Variants in SNRPB2 observed in about 807,000 individuals in gnomAD.
The protein encoded by SNRPB2 is small nuclear ribonucleoprotein polypeptide B2, also known as U2 small nuclear ribonucleoprotein B''.
SNRPB2 carries 16 observed loss-of-function variants against 26.3 expected under a neutral mutation model. That is an observed-to-expected ratio of 0.61 (90% CI 0.41 to 0.92). The LOEUF is 0.92. SNRPB2 is among the 40% of genes least tolerant of loss of function. The probability of loss-of-function intolerance (pLI) is 0.00; values close to 1 mark genes in which losing one functional copy is unlikely to be tolerated. For missense variants in SNRPB2, 179 were observed against 268.1 expected (o/e 0.67, Z 2.32); for synonymous variants, 75 against 89.0 (o/e 0.84, Z 0.88).
rs964759814 is a variant in SNRPB2, at chr20:16,742,347, G to A, written c.*1342G>A. The A allele has an allele frequency of 2.0e-5, 3 of 152,066 alleles. No individual in the cohort carries two copies. The highest frequency in any genetic ancestry group is 7.2e-5 in the African/African-American group (3 of 41,382). The allele number at this position is 152,066 out of a possible 1,614,324, so 9.4% of individuals were successfully genotyped here. On this transcript the variant is annotated 3_prime_UTR_variant, in exon 7 of 7. Transcript: ENST00000246071. ...AAAATAATTCACAGACTGATCCCAT[G>A]CCCAGTCCTGGCCATGCTTTGAGTG... is the stretch of plus-strand genomic sequence containing the variant.
rs1425039255 is a variant in SNRPB2, at chr20:16,741,244, A to G, written c.*239A>G. 5.8e-6 allele frequency: 2 copies of G among 346,922 alleles called. No individual in the cohort carries two copies. The highest frequency in any genetic ancestry group is 1.0e-5 in the Non-Finnish European group (2 of 191,358). The allele number at this position is 346,922 out of a possible 1,614,324, so 21.5% of individuals were successfully genotyped here. ...TATATAATGCTTTCTTGATTGACCC[A>G]TCTCCCTATCATCAAATGACTTCTA... On this transcript the variant is annotated 3_prime_UTR_variant, in exon 7 of 7. Transcript: ENST00000246071.
At chr20:16,734,987 A>C (rs944710851) in intron 3 of SNRPB2, among the ~76,000 whole-genome samples, 1 of 152,182 alleles carries the variant, frequency 6.6e-6, no homozygotes, top group Non-Finnish European at 1.5e-5. Context: ...TTTTGGTTAG[A>C]TGATGATGGC....
intron 3 of SNRPB2, 181 bp downstream of exon 3, chr20:16,732,517 GGC>G (rs1431581419): frequency 2.3e-6 from 1 of 426,494 alleles, no homozygotes; most frequent in African/African-American, 2.1e-5. Context: ...AGTTCAGATG[GGC>G]AAAAACAAAA....
At chr20:16,731,830 T>C in intron 2 of SNRPB2, 64 bp downstream of exon 2, 2 of 1,600,638 alleles carry the variant, frequency 1.2e-6, no homozygotes, top group Non-Finnish European at 8.5e-7. Flanking sequence ...GTCTTAAAAA[T>C]TGTACTGCCT....
intron 4 of SNRPB2, 44 bp downstream of exon 4, chr20:16,737,445 A>T: frequency 6.6e-7 from 1 of 1,524,124 alleles, no homozygotes; most frequent in Middle Eastern, 1.8e-4. Flanking sequence ...GGTGTTAAAA[A>T]CTTGATAGAT....
intron 3 of SNRPB2, among the ~76,000 whole-genome samples, chr20:16,733,586 A>G (rs1451738046): frequency 6.6e-6 from 1 of 152,256 alleles, no homozygotes; most frequent in East Asian, 1.9e-4. Flanking sequence ...CTTTCCGTAA[A>G]GGACCAGATA....
chr20:16,741,671 T>C lies in SNRPB2; in HGVS notation c.*666T>C, dbSNP rs2072463763. The stretch of plus-strand genomic sequence containing the variant: ...AGGCAGGACTGTTCTAAGGTTAATA[T>C]GCAATCTCTTTATTGAAAGACCTCC... On this transcript the variant is annotated 3_prime_UTR_variant, in exon 7 of 7. Coordinates refer to ENST00000246071, the MANE Select transcript of SNRPB2 (RefSeq NM_003092.5). The C allele has an allele frequency of 6.6e-6, 1 of 152,198 alleles. No individual in the cohort carries two copies. Among genetic ancestry groups the C allele is most frequent in the African/African-American group, 2.4e-5 (1 of 41,460 alleles). The allele number at this position is 152,198 out of a possible 1,614,324, so 9.4% of individuals were successfully genotyped here.
intron 3 of SNRPB2, among the ~76,000 whole-genome samples, chr20:16,735,803 A>G (rs1023886242): frequency 6.6e-6 from 1 of 152,212 alleles, no homozygotes; most frequent in Non-Finnish European, 1.5e-5. Context: ...AAACATTTTA[A>G]AATTTAGTAA....
At position 16,731,897 on chromosome 20, in the gene SNRPB2, A is replaced by G. The variant is rs558458108; in HGVS notation, c.64+131A>G. On this transcript the variant is annotated intron_variant, in intron 2 of 6. Coordinates refer to ENST00000246071, the MANE Select transcript of SNRPB2 (RefSeq NM_003092.5). ...GAAATAATGGTTTATCCCATTTCCT[A>G]TAGGGATTTGAAGGCTTTTAAAAAA... The G allele has an allele frequency of 3.0e-5, 43 of 1,437,106 alleles. 1 individual carries two copies. The East Asian group carries it at 6.5e-4, about 22-fold the overall frequency. 89.0% of individuals were successfully genotyped at this position (1,437,106 alleles called of 1,614,324 possible).
chr20:16,733,455 G>A (rs968261713), intron 3 of SNRPB2, among the ~76,000 whole-genome samples: 2 of 152,214 alleles, frequency 1.3e-5, no homozygotes, highest in Non-Finnish European at 2.9e-5. Context: ...TGAAGAAACA[G>A]GCATAGAAAG....
Position 16,741,739 on chromosome 20 carries a change from G to A in SNRPB2, c.*734G>A, listed in dbSNP as rs2072464269. 6.6e-6 allele frequency: 1 copy of A among 152,104 alleles called. No individual in the cohort carries two copies. Among genetic ancestry groups the A allele is most frequent in the Non-Finnish European group, 1.5e-5 (1 of 68,012 alleles). The allele number at this position is 152,104 out of a possible 1,614,324, so 9.4% of individuals were successfully genotyped here. The stretch of plus-strand genomic sequence containing the variant: ...ATCTATAGTCTCTTTTCCCCCTTAA[G>A]ACAAATAGACTGATTAATAAAGAGT... On this transcript the variant is annotated 3_prime_UTR_variant, in exon 7 of 7. Transcript: ENST00000246071.
intron 3 of SNRPB2, among the ~76,000 whole-genome samples, chr20:16,736,408 A>G (rs983646816): frequency 5.3e-5 from 8 of 152,254 alleles, no homozygotes; most frequent in East Asian, 3.9e-4. Context: ...AAATGTTACA[A>G]CTCAGAGCTG....
At chr20:16,733,694 C>T (rs574273829) in intron 3 of SNRPB2, among the ~76,000 whole-genome samples, 7 of 152,208 alleles carry the variant, frequency 4.6e-5, no homozygotes, top group African/African-American at 1.7e-4. Context: ...TGAGAACAGG[C>T]AGTGTTGGCT....
intron 6 of SNRPB2, 91 bp from the exon 7 acceptor site, chr20:16,740,755 G>A (rs1429332154): frequency 2.1e-6 from 2 of 930,730 alleles, no homozygotes; most frequent in Non-Finnish European, 3.3e-6. Context: ...ATTTTTCTTG[G>A]ACTAGTATTA....
rs1272383343 is a variant in SNRPB2 at position 16,741,959 on chromosome 20, A to G, written c.*954A>G. The G allele has an allele frequency of 1.3e-5, 2 of 152,222 alleles. No individual in the cohort carries two copies. The highest frequency in any genetic ancestry group is 2.9e-5 in the Non-Finnish European group (2 of 68,044). The allele number at this position is 152,222 out of a possible 1,614,324, so 9.4% of individuals were successfully genotyped here. ...GGTACATATTAATAGTAACAACAAC[A>G]AAAAAGAAAACAGTACTTATTTTTC... On this transcript the variant is annotated 3_prime_UTR_variant, in exon 7 of 7. Coordinates refer to ENST00000246071, the MANE Select transcript of SNRPB2 (RefSeq NM_003092.5).
At chr20:16,739,400 A>G (rs1418367946) in intron 5 of SNRPB2, among the ~76,000 whole-genome samples, 3 of 152,138 alleles carry the variant, frequency 2.0e-5, no homozygotes, top group Admixed American at 1.3e-4. Context: ...AATGTTTTAG[A>G]AACTCCGTAT....
chr20:16,739,364 C>CT (rs199850429), intron 5 of SNRPB2, among the ~76,000 whole-genome samples: 3,099 of 148,730 alleles, frequency 0.021, 59 homozygotes, highest in Admixed American at 0.054. Flanking sequence ...AAATTCCAGC[C>CT]TTTTTTTTTT....
intron 5 of SNRPB2, among the ~76,000 whole-genome samples, chr20:16,739,232 T>C (rs1445764722): frequency 6.6e-6 from 1 of 152,174 alleles, no homozygotes; most frequent in Admixed American, 6.5e-5. Flanking sequence ...GTTGCATGGG[T>C]AAGGGTAACT....
At chr20:16,735,559 C>G (rs916914620) in intron 3 of SNRPB2, among the ~76,000 whole-genome samples, 4 of 152,202 alleles carry the variant, frequency 2.6e-5, no homozygotes, top group African/African-American at 9.6e-5. Flanking sequence ...ACATTACCAT[C>G]TTCTTTGTGC....
Sources: allele counts gnomAD v4.1 joint callset (sites outside exome capture counted in the v4.1 genomes callset), GRCh38; gene constraint gnomAD v4.1.1; transcripts MANE v1.5; gene names NCBI Gene and HGNC (gene_info 2026-07-23, HGNC 2026-07-21).